Variants in MAP2K7 observed in about 807,000 individuals in gnomAD.
MAP2K7 encodes mitogen-activated protein kinase kinase 7, also known as dual specificity mitogen-activated protein kinase kinase 7.
Under a neutral mutation model 47.7 loss-of-function variants are expected in MAP2K7, and 12 were observed. The ratio of observed to expected loss-of-function variants is 0.25; its 90% CI spans 0.16 to 0.41. The LOEUF (loss-of-function observed/expected upper bound fraction) is 0.41, where lower values mean the gene tolerates loss of function less well. MAP2K7 is among the 10% of genes least tolerant of loss of function. MAP2K7 has a pLI of 1.00. For missense variants in MAP2K7, 415 were observed against 600.3 expected (o/e 0.69, Z 3.23); for synonymous variants, 299 against 243.0 (o/e 1.23, Z -2.14).
At chr19:7,910,207 A>G in intron 3 of MAP2K7, 53 bp from the exon 4 acceptor site, 1 of 1,603,170 alleles carries the variant, frequency 6.2e-7, no homozygotes, top group Non-Finnish European at 8.5e-7. Context: ...AGTGGGGGGC[A>G]GGGGGCGGTG....
chr19:7,906,085 T>C (rs1982437001), intron 1 of MAP2K7: 1 of 562,962 alleles, frequency 1.8e-6, no homozygotes, highest in African/African-American at 1.9e-5. Context: ...CACTTTGGAC[T>C]CCCTGGAGGA....
At chr19:7,909,053 G>A (rs1039629175) in intron 1 of MAP2K7, among the ~76,000 whole-genome samples, 11 of 130,356 alleles carry the variant, frequency 8.4e-5, no homozygotes, top group African/African-American at 2.9e-4. Flanking sequence ...ACCTGGTCCC[G>A]CCAGCCCCTG....
At chr19:7,905,377 G>T (rs1982381161) in intron 1 of MAP2K7, among the ~76,000 whole-genome samples, 1 of 152,106 alleles carries the variant, frequency 6.6e-6, no homozygotes, top group Non-Finnish European at 1.5e-5. Context: ...TTCCTCCTTG[G>T]GGAGTCTCTT....
At chr19:7,912,062 C>A in intron 9 of MAP2K7, 87 bp from the exon 10 acceptor site, 2 of 1,270,882 alleles carry the variant, frequency 1.6e-6, no homozygotes, top group Non-Finnish European at 2.3e-6. Flanking sequence ...GGACCCCTGG[C>A]CCCTTGGGGA....
chr19:7,910,250 C>T lies in MAP2K7; in HGVS notation c.334-10C>T, dbSNP rs1477264574. On this transcript the variant is annotated splice_polypyrimidine_tract_variant and intron_variant, in intron 3 of 10. Transcript: ENST00000397979. ...CCCCAGGGACCCTCCAACCCTCCCT[C>T]TCCTCCCAGCGCTACCAGGCAGAAA... The T allele has an allele frequency of 1.9e-6, 3 of 1,612,328 alleles. No individual in the cohort carries two copies. The highest frequency in any genetic ancestry group is 3.3e-5 in the Admixed American group (2 of 59,962).
At position 7,910,390 on chromosome 19, in the gene MAP2K7, AC is replaced by A; in HGVS notation, c.447+21del. 1 of 1,607,864 alleles carries A rather than the reference AC, an allele frequency of 6.2e-7. No homozygotes were observed. On this transcript the variant is annotated intron_variant, in intron 4 of 10. Transcript: ENST00000397979. ...GCCGTTAAGGTGAGCCTTGGCGGCTACCCCGGCTGCGCCCCACACCCCAGGC... is the reference window on the plus strand; with the variant it reads ...GCCGTTAAGGTGAGCCTTGGCGGCTACCCGGCTGCGCCCCACACCCCAGGC...
intron 9 of MAP2K7, among the ~76,000 whole-genome samples, chr19:7,911,812 T>C (rs1982892086): frequency 6.6e-6 from 1 of 152,160 alleles, no homozygotes; most frequent in Non-Finnish European, 1.5e-5. Context: ...GCGGGGTGGC[T>C]GTTGGAGATT....
Position 7,903,911 on chromosome 19 carries a change from C to A in MAP2K7, c.-34C>A. ...TTTGTCTGCCGGACTGACGGGCGGC[C>A]GGGCGGTGCGCGGCGGCGGTGGCGG... On this transcript the variant is annotated 5_prime_UTR_variant, in exon 1 of 11. Transcript: ENST00000397979. 6.8e-7 allele frequency: 1 copy of A among 1,466,086 alleles called. No individual in the cohort carries two copies. The highest frequency in any genetic ancestry group is 1.3e-5 in the South Asian group (1 of 77,818). 90.8% of individuals were successfully genotyped at this position (1,466,086 alleles called of 1,614,324 possible).
At chr19:7,907,869 T>C (rs971733970) in intron 1 of MAP2K7, among the ~76,000 whole-genome samples, 11 of 144,240 alleles carry the variant, frequency 7.6e-5, no homozygotes, top group African/African-American at 2.9e-4. Context: ...GGGGCTGGGT[T>C]GGGGGGAGCA....
intron 1 of MAP2K7, among the ~76,000 whole-genome samples, chr19:7,907,857 TG>T (rs940280540): frequency 2.8e-5 from 4 of 142,328 alleles, no homozygotes; most frequent in Admixed American, 2.1e-4. Context: ...GCACAGGGGT[TG>T]GGGGCTGGGT....
rs1372070521 is a variant in MAP2K7 at position 7,909,875 on chromosome 19, T to G, written c.245T>G (p.Phe82Cys). The part of the protein sequence containing the change: ...RHMLGLPSTL[F>C]TPRSMESIEI... Reference sequence around the variant, plus strand: ...ATGCTGGGGCTCCCGTCAACCCTGTTCACACCCCGCAGCATGGAGAGGTGA... The same window carrying G: ...ATGCTGGGGCTCCCGTCAACCCTGTGCACACCCCGCAGCATGGAGAGGTGA... The change falls in exon 2 of 11, where the codon TTC (phenylalanine) becomes TGC (cysteine). Residue 82 changes from phenylalanine (F) to cysteine (C), a missense_variant. By Grantham distance (205) the Phe-to-Cys change is radical. Transcript: ENST00000397979. 6.5e-7 allele frequency: 1 copy of G among 1,531,684 alleles called. No individual in the cohort carries two copies. Among genetic ancestry groups the G allele is most frequent in the East Asian group, 2.5e-5 (1 of 40,646 alleles). The allele number at this position is 1,531,684 out of a possible 1,614,324, so 94.9% of individuals were successfully genotyped here.
chr19:7,911,216 C>A (rs1476934761), intron 7 of MAP2K7, 34 bp from the exon 8 acceptor site: 1 of 1,609,428 alleles, frequency 6.2e-7, no homozygotes, highest in South Asian at 1.1e-5. Context: ...CGGCCCCAGC[C>A]TTGGAGATAC....
chr19:7,912,056 C>T (rs1982911438), intron 9 of MAP2K7, 93 bp from the exon 10 acceptor site: 16 of 1,205,646 alleles, frequency 1.3e-5, no homozygotes, highest in Non-Finnish European at 1.8e-5. Flanking sequence ...TCTTGGGGAC[C>T]CCTGGCCCCT....
chr19:7,912,105 C>A, intron 9 of MAP2K7, 44 bp from the exon 10 acceptor site: 1 of 1,598,236 alleles, frequency 6.3e-7, no homozygotes. Flanking sequence ...CCGGCATCCC[C>A]TCCTCCCTCG....
In MAP2K7 at chr19:7,913,927, C is replaced by G. The variant is rs1422350618; in HGVS notation, c.*1496C>G. 6.6e-6 allele frequency: 1 copy of G among 152,392 alleles called. No homozygotes were observed. The highest frequency in any genetic ancestry group is 1.5e-5 in the Non-Finnish European group (1 of 68,026). The allele number at this position is 152,392 out of a possible 1,614,324, so 9.4% of individuals were successfully genotyped here. On this transcript the variant is annotated 3_prime_UTR_variant, in exon 11 of 11. Coordinates refer to ENST00000397979, the MANE Select transcript of MAP2K7 (RefSeq NM_145185.4). ...TATTATCATGATATTCACAAAACGC[C>G]GCATGTTTAAAAAGTCATAGATGTC...
intron 3 of MAP2K7, 48 bp downstream of exon 3, chr19:7,910,177 G>C (rs751281946): frequency 1.9e-6 from 3 of 1,595,854 alleles, no homozygotes; most frequent in Non-Finnish European, 2.6e-6. Context: ...CAGCCAGGCT[G>C]GACCCATCCT....
chr19:7,908,845 G>A (rs73501921), intron 1 of MAP2K7, among the ~76,000 whole-genome samples: 31,071 of 151,982 alleles, frequency 0.2, 3,432 homozygotes, highest in Non-Finnish European at 0.25. Context: ...TCTCTGCAGC[G>A]CCTCCTCTGG....
At chr19:7,904,513 A>T (rs112915799) in intron 1 of MAP2K7, 2 of 298,134 alleles carry the variant, frequency 6.7e-6, no homozygotes, top group Non-Finnish European at 1.4e-5. Flanking sequence ...GCGACGATCT[A>T]CGCACACGCG....
At chr19:7,905,919 C>A (rs1214137201) in intron 1 of MAP2K7, 10 of 1,434,108 alleles carry the variant, frequency 7.0e-6, no homozygotes, top group Admixed American at 1.7e-5. Context: ...CTGCCCCGGC[C>A]GCAGAATGGC....
Sources: allele counts gnomAD v4.1 joint callset (sites outside exome capture counted in the v4.1 genomes callset), GRCh38; gene constraint gnomAD v4.1.1; transcripts MANE v1.5; gene names NCBI Gene and HGNC (gene_info 2026-07-23, HGNC 2026-07-21).